LHPP: variants seen among roughly 807,000 people sequenced by gnomAD.
LHPP encodes hLHPP.
LHPP carries 24 observed loss-of-function variants against 30.3 expected under a neutral mutation model. The ratio of observed to expected loss-of-function variants is 0.79; its 90% CI spans 0.57 to 1.11. LHPP has a LOEUF of 1.11. Among genes scored for constraint, LHPP ranks in the 50% most tolerant of loss-of-function variants. The probability of loss-of-function intolerance (pLI) is 0.00; values close to 1 mark genes in which losing one functional copy is unlikely to be tolerated. For missense variants in LHPP, 356 were observed against 367.2 expected, an observed-to-expected ratio of 0.97 and a Z score of 0.25; for synonymous variants, 150 against 157.1, an observed-to-expected ratio of 0.95 and a Z score of 0.34.
intron 6 of LHPP, among the ~76,000 whole-genome samples, chr10:124,575,827 A>G (rs1948651214): frequency 6.6e-6 from 1 of 152,128 alleles, no homozygotes; most frequent in South Asian, 2.1e-4. Context: ...GGCATTGTGC[A>G]TGTGGATGAG....
In LHPP at chr10:124,527,785, G is replaced by GC. The variant is rs1438575992; in HGVS notation, c.716+10514_716+10515insC. Among the ~76,000 whole-genome samples the GC allele has an allele frequency of 8.7e-5, 13 of 149,466 alleles. No homozygotes were observed. The East Asian group carries it at 2.6e-3, about 29-fold the overall frequency. ...GATCTCTTTGTGCTTTTTTTTTTTT[G>GC]TTTTTTTCTTTTTGAGATGCGGTCT... On this transcript the variant is annotated intron_variant, in intron 6 of 6. Transcript: ENST00000368842.
At chr10:124,553,974 G>A in intron 6 of LHPP, 4 of 985,440 alleles carry the variant, frequency 4.1e-6, no homozygotes, top group Non-Finnish European at 4.8e-6. Context: ...CCATGCTCTG[G>A]GAACTGGGCG....
intron 6 of LHPP, among the ~76,000 whole-genome samples, chr10:124,540,133 G>C (rs1955145391): frequency 6.6e-6 from 1 of 152,162 alleles, no homozygotes; most frequent in South Asian, 2.1e-4. Flanking sequence ...CCCTGGCCCA[G>C]CCGTTCATGC....
At chr10:124,473,816 C>T (rs1183810154) in intron 1 of LHPP, among the ~76,000 whole-genome samples, 2 of 152,036 alleles carry the variant, frequency 1.3e-5, no homozygotes, top group South Asian at 2.1e-4. Flanking sequence ...TAGCTGGGTG[C>T]AGTGGTTTGC....
At chr10:124,539,735 C>A (rs1250334999) in intron 6 of LHPP, among the ~76,000 whole-genome samples, 36 of 120,868 alleles carry the variant, frequency 3.0e-4, no homozygotes, top group South Asian at 5.8e-4. Context: ...AACCCTGTCT[C>A]AAAAAAAAAA....
At chr10:124,537,063 C>A (rs971201462) in intron 6 of LHPP, among the ~76,000 whole-genome samples, 9 of 152,250 alleles carry the variant, frequency 5.9e-5, no homozygotes, top group African/African-American at 2.2e-4. Flanking sequence ...CATACAAGCA[C>A]TTTTCTCCTT....
Position 124,510,069 on chromosome 10 carries a change from T to C in LHPP, c.625-7111T>C. On this transcript the variant is annotated intron_variant, in intron 5 of 6. Coordinates refer to ENST00000368842, the MANE Select transcript of LHPP (RefSeq NM_022126.4). This position sits in a 1 kb window ranked among gnomAD's most constrained non-coding sequence, Gnocchi z 4.0. Reference sequence around the variant, plus strand: ...ACTGTGGCGCCTCCATCCGGCTCTCTGGATCCTGGGTTCTGGGGGGTCCGA... The same window carrying C: ...ACTGTGGCGCCTCCATCCGGCTCTCCGGATCCTGGGTTCTGGGGGGTCCGA... Among the ~76,000 whole-genome samples the C allele has an allele frequency of 6.6e-6, 1 of 152,030 alleles. No individual in the cohort carries two copies. Among genetic ancestry groups the C allele is most frequent in the East Asian group, 1.9e-4 (1 of 5,184 alleles).
intron 6 of LHPP, among the ~76,000 whole-genome samples, chr10:124,520,447 C>T (rs1305074036): frequency 3.3e-5 from 5 of 152,158 alleles, no homozygotes; most frequent in Non-Finnish European, 7.3e-5. Context: ...TGTCCATATC[C>T]ATCCGTATCC....
intron 6 of LHPP, among the ~76,000 whole-genome samples, chr10:124,571,220 G>A (rs900949036): frequency 6.6e-5 from 10 of 152,164 alleles, no homozygotes; most frequent in Non-Finnish European, 1.2e-4. Flanking sequence ...GTGTGAAAAC[G>A]GACTGATACA....
chr10:124,487,656 C>T (rs1205239185), intron 2 of LHPP, among the ~76,000 whole-genome samples: 1 of 152,170 alleles, frequency 6.6e-6, no homozygotes, highest in South Asian at 2.1e-4. Flanking sequence ...GTTGGCCAGG[C>T]TGGTCTCGAA....
At chr10:124,573,497 G>A (rs10794155) in intron 6 of LHPP, among the ~76,000 whole-genome samples, 25,989 of 152,170 alleles carry the variant, frequency 0.17, 2,758 homozygotes, top group East Asian at 0.37. Flanking sequence ...TTTTTGTAGA[G>A]ACAGGGTCTC....
rs1286384642 is a variant in LHPP, at chr10:124,517,804, T to TGGAGCAGCTGTCA, written c.716+536_716+548dup. Reference sequence around the variant, plus strand: ...TTTGCTGGCAAAAGTCTGCCTGGTCTGGAGCAGCTGTCAGGGGTTGGGAGC... The same window carrying TGGAGCAGCTGTCA: ...TTTGCTGGCAAAAGTCTGCCTGGTCTGGAGCAGCTGTCAGGAGCAGCTGTCAGGGGTTGGGAGC... On this transcript the variant is annotated intron_variant, in intron 6 of 6. Coordinates refer to ENST00000368842, the MANE Select transcript of LHPP (RefSeq NM_022126.4). This position sits in a 1 kb window ranked among gnomAD's most constrained non-coding sequence, Gnocchi z 4.1. Among the ~76,000 whole-genome samples the TGGAGCAGCTGTCA allele has an allele frequency of 6.6e-6, 1 of 152,244 alleles. No homozygotes were observed. Among genetic ancestry groups the TGGAGCAGCTGTCA allele is most frequent in the African/African-American group, 2.4e-5 (1 of 41,472 alleles).
chr10:124,545,566 C>T (rs1225304076), intron 6 of LHPP, among the ~76,000 whole-genome samples: 1 of 152,106 alleles, frequency 6.6e-6, no homozygotes, highest in African/African-American at 2.4e-5. Context: ...ATTGAGCTGT[C>T]AGCGGCTGGC....
intron 6 of LHPP, among the ~76,000 whole-genome samples, chr10:124,586,552 G>A (rs1279627121): frequency 7.9e-5 from 12 of 152,326 alleles, no homozygotes; most frequent in African/African-American, 2.2e-4. Context: ...GTGCTGTGCC[G>A]AGCTTGGAAT....
At chr10:124,520,122 C>T (rs929153941) in intron 6 of LHPP, among the ~76,000 whole-genome samples, 11 of 152,048 alleles carry the variant, frequency 7.2e-5, no homozygotes, top group South Asian at 2.1e-4. Flanking sequence ...TGTGAGCCAC[C>T]GCGCCCGGCC....
chr10:124,575,936 A>G (rs7068647), intron 6 of LHPP, among the ~76,000 whole-genome samples: 98 of 152,296 alleles, frequency 6.4e-4, no homozygotes, highest in African/African-American at 2.3e-3. Context: ...CCTGGGTGCC[A>G]GGTCGGGGGT....
At chr10:124,477,338 G>A (rs540930782) in intron 1 of LHPP, among the ~76,000 whole-genome samples, 1 of 152,316 alleles carries the variant, frequency 6.6e-6, no homozygotes, top group African/African-American at 2.4e-5. Flanking sequence ...CTGAGGCATT[G>A]AGCTTGTATT....
intron 6 of LHPP, among the ~76,000 whole-genome samples, chr10:124,612,340 G>C (rs1257097621): frequency 2.0e-5 from 3 of 152,198 alleles, no homozygotes; most frequent in African/African-American, 7.2e-5. Flanking sequence ...GGGAGGCAGA[G>C]GTTGCAGTGA....
chr10:124,490,458 G>T, intron 3 of LHPP: 1 of 342,534 alleles, frequency 2.9e-6, no homozygotes. Context: ...GTGAAGGTTG[G>T]GCACATTCTC....
Sources: gnomAD v4.1 joint callset for allele counts (sites outside exome capture counted in the v4.1 genomes callset) on GRCh38, gnomAD v4.1.1 for gene constraint, Gnocchi (gnomAD v3.1) non-coding constraint, MANE v1.5 for transcripts, NCBI Gene and HGNC (gene_info 2026-07-23, HGNC 2026-07-21) for gene names.